The following ZFYVE28 variants were observed in gnomAD, a reference collection of about 807,000 sequenced individuals.
ZFYVE28 encodes zinc finger FYVE-type containing 28, also known as lateral signaling target protein 2 homolog.
In ZFYVE28, 40 loss-of-function variants were observed where a neutral mutation model predicts 82.1. The ratio of observed to expected loss-of-function variants is 0.49; its 90% CI spans 0.38 to 0.63. The LOEUF is 0.63. Ranked by LOEUF, ZFYVE28 falls within the 30% of genes least tolerant of loss-of-function variation. The pLI, the probability that ZFYVE28 is intolerant of heterozygous loss-of-function variation, is 0.00. For synonymous variants in ZFYVE28, 612 were observed against 546.1 expected (o/e 1.12, Z -1.68); for missense variants, 1,321 against 1,242.1 (o/e 1.06, Z -0.96).
intron 1 of ZFYVE28, chr4:2,406,779 T>C (rs906536758): frequency 1.3e-5 from 2 of 152,260 alleles, no homozygotes; most frequent in Admixed American, 1.3e-4. Flanking sequence ...GCTTTAGTTT[T>C]TGCTTTTTGT....
At chr4:2,403,460 T>G (rs931608320) in intron 1 of ZFYVE28, among the ~76,000 whole-genome samples, 1 of 152,210 alleles carries the variant, frequency 6.6e-6, no homozygotes. Flanking sequence ...CGGGAGGACA[T>G]AGCGCACTTC....
At chr4:2,366,143 G>T (rs575445136) in intron 1 of ZFYVE28, among the ~76,000 whole-genome samples, 5 of 152,214 alleles carry the variant, frequency 3.3e-5, no homozygotes, top group African/African-American at 9.6e-5. Context: ...GGGGGAGTGC[G>T]ACGCAGAATT....
chr4:2,394,935 C>T lies in ZFYVE28; in HGVS notation c.39+23350G>A, dbSNP rs868840474. On this transcript the variant is annotated intron_variant, in intron 1 of 12. Coordinates refer to ENST00000290974, the MANE Select transcript of ZFYVE28 (RefSeq NM_020972.3). The surrounding 1 kb of genome is among the most constrained non-coding windows in gnomAD (Gnocchi z 4.0). Reference sequence around the variant, plus strand: ...GTAAGGCCAGCCCTAATGATGCTCTCTCACTTCCCATTAAAAGTCCCACCA... The same window carrying T: ...GTAAGGCCAGCCCTAATGATGCTCTTTCACTTCCCATTAAAAGTCCCACCA... Among the ~76,000 whole-genome samples, 76 of 152,378 alleles carry T rather than the reference C, an allele frequency of 5.0e-4. No homozygotes were observed. Among genetic ancestry groups the T allele is most frequent in the Non-Finnish European group, 1.1e-3 (73 of 68,032 alleles).
intron 8 of ZFYVE28, among the ~76,000 whole-genome samples, chr4:2,279,132 T>G (rs185963271): frequency 2.4e-4 from 36 of 152,312 alleles, no homozygotes; most frequent in Non-Finnish European, 5.0e-4. Context: ...ACGCAGCACT[T>G]ATACATGCTA....
intron 7 of ZFYVE28, among the ~76,000 whole-genome samples, chr4:2,317,453 T>C (rs1397928808): frequency 1.3e-5 from 2 of 152,172 alleles, no homozygotes; most frequent in Non-Finnish European, 2.9e-5. Context: ...AGGTTGAGGT[T>C]TGGCTGCGCT....
At chr4:2,271,556 G>T in intron 11 of ZFYVE28, 119 bp downstream of exon 11, 1 of 1,415,038 alleles carries the variant, frequency 7.1e-7, no homozygotes, top group Non-Finnish European at 9.9e-7. Flanking sequence ...CGGTCTCCCA[G>T]CTCCCACATG....
intron 8 of ZFYVE28, among the ~76,000 whole-genome samples, chr4:2,276,967 C>T (rs1736517937): frequency 6.6e-6 from 1 of 151,670 alleles, no homozygotes; most frequent in African/African-American, 2.4e-5. Context: ...CTTTATGCTA[C>T]ATATATTTTA....
At position 2,354,051 on chromosome 4, in the gene ZFYVE28, G is replaced by C; in HGVS notation, c.62C>G (p.Ala21Gly). ...CTCCTCGTCGGCATAGTAGAACCGGGCAAGCAGCTGCGGATCCGACCTCTG... is the reference window on the plus strand; with the variant it reads ...CTCCTCGTCGGCATAGTAGAACCGGCCAAGCAGCTGCGGATCCGACCTCTG... ...KPKRSDPQLL[A>G]RFYYADEELN... Residue 21 changes from alanine to glycine, a missense_variant, in exon 2 of 13, where the codon GCC becomes GGC. Ala to Gly is a moderately conservative substitution (Grantham distance 60). Coordinates refer to ENST00000290974, the MANE Select transcript of ZFYVE28 (RefSeq NM_020972.3). The C allele has an allele frequency of 6.4e-7, 1 of 1,571,944 alleles. No homozygotes were observed. The highest frequency in any genetic ancestry group is 8.6e-7 in the Non-Finnish European group (1 of 1,158,876).
chr4:2,287,123 A>G (rs1577906026), intron 8 of ZFYVE28: 2 of 152,246 alleles, frequency 1.3e-5, no homozygotes, highest in Non-Finnish European at 2.9e-5. Flanking sequence ...GTGCCACCCC[A>G]CCAGCGCCCT....
chr4:2,356,578 G>A (rs1725365759), intron 1 of ZFYVE28, among the ~76,000 whole-genome samples: 1 of 152,216 alleles, frequency 6.6e-6, no homozygotes, highest in Non-Finnish European at 1.5e-5. Context: ...TGCCTTTCTG[G>A]AAGTAAACAC....
At chr4:2,337,363 C>A in intron 5 of ZFYVE28, 44 bp downstream of exon 5, 2 of 1,535,050 alleles carry the variant, frequency 1.3e-6, no homozygotes, top group Non-Finnish European at 8.8e-7. Context: ...GAGGCAGGGA[C>A]TCCCCAGATG....
intron 2 of ZFYVE28, among the ~76,000 whole-genome samples, chr4:2,345,674 A>G (rs998550118): frequency 1.3e-5 from 2 of 151,450 alleles, no homozygotes; most frequent in Non-Finnish European, 2.9e-5. Context: ...ATAAATATAA[A>G]CTCATAGAAC....
intron 1 of ZFYVE28, among the ~76,000 whole-genome samples, chr4:2,355,796 T>C (rs1725225955): frequency 6.6e-6 from 1 of 152,198 alleles, no homozygotes; most frequent in South Asian, 2.1e-4. Context: ...AGCCTGGTCT[T>C]GAACTCCTGG....
chr4:2,344,332 A>C (rs1031842314), intron 2 of ZFYVE28, among the ~76,000 whole-genome samples: 1 of 152,206 alleles, frequency 6.6e-6, no homozygotes, highest in Non-Finnish European at 1.5e-5. Context: ...CAGTGACAGG[A>C]GCTCTCCAGG....
intron 6 of ZFYVE28, among the ~76,000 whole-genome samples, chr4:2,322,507 T>C (rs949862031): frequency 1.3e-5 from 2 of 152,060 alleles, no homozygotes; most frequent in Admixed American, 1.3e-4. Context: ...TTGGCCCAGG[T>C]CCAGCTAAGG....
At chr4:2,306,262 G>A (rs956391736) in intron 7 of ZFYVE28, among the ~76,000 whole-genome samples, 2 of 152,374 alleles carry the variant, frequency 1.3e-5, no homozygotes, top group African/African-American at 2.4e-5. Flanking sequence ...TCTCTGCTGC[G>A]AGAAGCTCCG....
At position 2,341,875 on chromosome 4, in the gene ZFYVE28, C is replaced by T. The variant is rs1354075012; in HGVS notation, c.181-260G>A. Among the ~76,000 whole-genome samples, 1 of 152,168 alleles carries T rather than the reference C, an allele frequency of 6.6e-6. No individual in the cohort carries two copies. The highest frequency in any genetic ancestry group is 1.5e-5 in the Non-Finnish European group (1 of 68,032). On this transcript the variant is annotated intron_variant, in intron 2 of 12. Coordinates refer to ENST00000290974, the MANE Select transcript of ZFYVE28 (RefSeq NM_020972.3). This position sits in a 1 kb window ranked among gnomAD's most constrained non-coding sequence, Gnocchi z 4.5. ...TCTCTACTAAAAATACAAAAATTAG[C>T]CGGGCGTGGTAGCGCACACCTGTAA...
intron 1 of ZFYVE28, among the ~76,000 whole-genome samples, chr4:2,366,295 T>A (rs1034203685): frequency 5.9e-5 from 9 of 152,372 alleles, no homozygotes; most frequent in Admixed American, 1.3e-4. Flanking sequence ...CCAGTGCTCA[T>A]GTTTCATAAG....
chr4:2,374,601 G>A (rs1355748047), intron 1 of ZFYVE28, among the ~76,000 whole-genome samples: 1 of 152,174 alleles, frequency 6.6e-6, no homozygotes, highest in African/African-American at 2.4e-5. Context: ...GCGACAGAGT[G>A]AGACCCTGTT....
Sources: allele counts gnomAD v4.1 joint callset (sites outside exome capture counted in the v4.1 genomes callset), GRCh38; gene constraint gnomAD v4.1.1; non-coding constraint Gnocchi (gnomAD v3.1); transcripts MANE v1.5; gene names NCBI Gene and HGNC (gene_info 2026-07-23, HGNC 2026-07-21).